The following DYNC2H1 variants were observed in gnomAD, a reference collection of about 807,000 sequenced individuals.
The protein encoded by DYNC2H1 is cytoplasmic dynein 2 heavy chain 1.
In DYNC2H1, 410 loss-of-function variants were observed where a neutral mutation model predicts 570.0. The observed-to-expected ratio is 0.72, with a 90% CI of 0.66 to 0.78. The LOEUF (loss-of-function observed/expected upper bound fraction) is 0.78, where lower values mean the gene tolerates loss of function less well. DYNC2H1 is among the 30% of genes least tolerant of loss of function. The pLI is 0.00. For missense variants in DYNC2H1, 4,865 were observed against 5,046.4 expected (o/e 0.96, Z 1.09); for synonymous variants, 1,688 against 1,677.6 (o/e 1.01, Z -0.15).
At position 103,133,520 on chromosome 11, in the gene DYNC2H1, C is replaced by T; in HGVS notation, c.1954-35C>T. The T allele has an allele frequency of 1.3e-6, 2 of 1,564,314 alleles. No individual in the cohort carries two copies. Among genetic ancestry groups the T allele is most frequent in the South Asian group, 1.2e-5 (1 of 81,100 alleles). Reference sequence around the variant, plus strand: ...TTGAAACTTTTGGAAAAAAGAAATACTTATACATACTAAAGGTTATTTATT... The same window carrying T: ...TTGAAACTTTTGGAAAAAAGAAATATTTATACATACTAAAGGTTATTTATT... On this transcript the variant is annotated intron_variant, in intron 13 of 88. Transcript: ENST00000375735. The surrounding 1 kb of genome is among the most constrained non-coding windows in gnomAD (Gnocchi z 4.8).
At chr11:103,292,212 G>A (rs1483032669) in intron 75 of DYNC2H1, among the ~76,000 whole-genome samples, 1 of 148,434 alleles carries the variant, frequency 6.7e-6, no homozygotes, top group Non-Finnish European at 1.5e-5. Context: ...ATCTTCTCTG[G>A]TAGTATATTT....
At chr11:103,236,841 TTC>T (rs1343130722) in intron 63 of DYNC2H1, among the ~76,000 whole-genome samples, 1 of 151,946 alleles carries the variant, frequency 6.6e-6, no homozygotes, top group Non-Finnish European at 1.5e-5. Flanking sequence ...GTTATATAGT[TTC>T]TTCATGAGTA....
intron 52 of DYNC2H1, among the ~76,000 whole-genome samples, chr11:103,207,239 TTTTAAA>T (rs1565396074): frequency 6.1e-5 from 1 of 16,386 alleles, no homozygotes. Context: ...TTTTTTTTTT[TTTTAAA>T]AAAAGATGGG....
chr11:103,320,285 C>T (rs1005556272), intron 80 of DYNC2H1, among the ~76,000 whole-genome samples: 1 of 152,022 alleles, frequency 6.6e-6, no homozygotes, highest in Non-Finnish European at 1.5e-5. Context: ...GCCTGTAATC[C>T]CAGCTACTCA....
intron 22 of DYNC2H1, 38 bp downstream of exon 22, chr11:103,153,546 A>C (rs774214495): frequency 4.7e-6 from 7 of 1,486,996 alleles, no homozygotes; most frequent in Non-Finnish European, 6.3e-6. Context: ...GCTTATTTTG[A>C]AAAAACAATT....
chr11:103,420,561 G>A (rs1943452775), intron 84 of DYNC2H1, among the ~76,000 whole-genome samples: 1 of 152,134 alleles, frequency 6.6e-6, no homozygotes, highest in Non-Finnish European at 1.5e-5. Flanking sequence ...ATAAGAGATT[G>A]GGGGCCAATA....
At chr11:103,188,775 TA>T (rs1385996094) in intron 44 of DYNC2H1, 127 bp downstream of exon 44, 2 of 745,232 alleles carry the variant, frequency 2.7e-6, no homozygotes, top group Non-Finnish European at 3.8e-6. Context: ...TAACCTCTGA[TA>T]TTTTTTCCTA....
chr11:103,258,093 A>G (rs1865133515), intron 69 of DYNC2H1, among the ~76,000 whole-genome samples: 1 of 152,300 alleles, frequency 6.6e-6, no homozygotes, highest in East Asian at 1.9e-4. Flanking sequence ...AACATTTAAC[A>G]TTTTATTATA....
chr11:103,267,000 CA>C (rs1244742978), intron 70 of DYNC2H1, among the ~76,000 whole-genome samples: 1 of 152,188 alleles, frequency 6.6e-6, no homozygotes, highest in Non-Finnish European at 1.5e-5. Flanking sequence ...ACTCCGGTAC[CA>C]AACCCCCTGG....
intron 85 of DYNC2H1, among the ~76,000 whole-genome samples, chr11:103,445,930 G>A (rs565211973): frequency 4.1e-4 from 62 of 152,270 alleles, no homozygotes; most frequent in African/African-American, 1.5e-3. Context: ...GGAATTACAG[G>A]TGTGAGCCAC....
At chr11:103,327,912 AG>A (rs1219923254) in intron 82 of DYNC2H1, among the ~76,000 whole-genome samples, 1 of 152,214 alleles carries the variant, frequency 6.6e-6, no homozygotes, top group Non-Finnish European at 1.5e-5. Flanking sequence ...CCCAAGGAAC[AG>A]GGGTTTCATG....
At chr11:103,322,231 A>G (rs542359226) in intron 81 of DYNC2H1, among the ~76,000 whole-genome samples, 1 of 152,262 alleles carries the variant, frequency 6.6e-6, no homozygotes, top group East Asian at 1.9e-4. Flanking sequence ...CTTAGAGGGA[A>G]TGAATAAATA....
At chr11:103,455,424 C>G in intron 86 of DYNC2H1, 129 bp downstream of exon 86, 1 of 736,710 alleles carries the variant, frequency 1.4e-6, no homozygotes, top group Non-Finnish European at 2.3e-6. Context: ...ATGTTATTTT[C>G]TTATTCTCTA....
chr11:103,144,655 T>C (rs952360250), intron 18 of DYNC2H1, among the ~76,000 whole-genome samples: 1 of 152,042 alleles, frequency 6.6e-6, no homozygotes, highest in Non-Finnish European at 1.5e-5. Flanking sequence ...AAGGTGTAGA[T>C]AAGGTATAGA....
At chr11:103,344,690 C>G (rs1162960886) in intron 82 of DYNC2H1, among the ~76,000 whole-genome samples, 5 of 152,248 alleles carry the variant, frequency 3.3e-5, no homozygotes, top group African/African-American at 9.6e-5. Flanking sequence ...CCTTAACCTG[C>G]TTTGTTTTTG....
intron 29 of DYNC2H1, among the ~76,000 whole-genome samples, chr11:103,162,211 A>C (rs1861122041): frequency 1.5e-5 from 1 of 67,704 alleles, no homozygotes. Context: ...GTTGCCATGC[A>C]CTGAGAGGCA....
intron 22 of DYNC2H1, 125 bp from the exon 23 acceptor site, chr11:103,154,326 C>A: frequency 4.2e-6 from 3 of 709,796 alleles, no homozygotes; most frequent in Non-Finnish European, 6.3e-6. Context: ...TATTGTATAT[C>A]TATTAAACAT....
At chr11:103,467,755 T>C (rs1376216765) in intron 87 of DYNC2H1, among the ~76,000 whole-genome samples, 2 of 152,128 alleles carry the variant, frequency 1.3e-5, no homozygotes, top group Non-Finnish European at 2.9e-5. Context: ...GCCAGGATGG[T>C]CTCCATCTCC....
At chr11:103,447,324 A>ATATTCTC (rs764194250) in intron 85 of DYNC2H1, among the ~76,000 whole-genome samples, 8 of 152,140 alleles carry the variant, frequency 5.3e-5, no homozygotes, top group Non-Finnish European at 1.0e-4. Context: ...AAGGTAGGGT[A>ATATTCTC]TATTCTCTTT....
Sources: gnomAD v4.1 joint callset for allele counts (sites outside exome capture counted in the v4.1 genomes callset) on GRCh38, gnomAD v4.1.1 for gene constraint, Gnocchi (gnomAD v3.1) non-coding constraint, MANE v1.5 for transcripts, NCBI Gene and HGNC (gene_info 2026-07-23, HGNC 2026-07-21) for gene names.